The following JAM3 variants were observed in gnomAD, a reference collection of about 807,000 sequenced individuals.
JAM3 encodes junctional adhesion molecule 3, also known as junctional adhesion molecule C.
In JAM3, 31 loss-of-function variants were observed where a neutral mutation model predicts 39.4. The observed-to-expected ratio is 0.79, with a 90% CI of 0.59 to 1.06. The LOEUF (loss-of-function observed/expected upper bound fraction) is 1.06. Ranked by LOEUF, JAM3 falls within the 50% of genes least tolerant of loss-of-function variation. JAM3 has a pLI of 0.00. For synonymous variants in JAM3, 182 were observed against 148.7 expected, an observed-to-expected ratio of 1.22 and a Z score of -1.63; for missense variants, 455 against 391.4, an observed-to-expected ratio of 1.16 and a Z score of -1.37.
chr11:134,110,436 A>G (rs1327792241), intron 1 of JAM3, among the ~76,000 whole-genome samples: 1 of 152,254 alleles, frequency 6.6e-6, no homozygotes, highest in Non-Finnish European at 1.5e-5. Flanking sequence ...TGGTATTTCC[A>G]TAAATGGAAT....
At chr11:134,146,207 G>A (rs536563329) in intron 6 of JAM3, among the ~76,000 whole-genome samples, 162 bp downstream of exon 6, 1 of 152,306 alleles carries the variant, frequency 6.6e-6, no homozygotes. Context: ...TGAAGGGAAG[G>A]CTGAGAAAAC....
intron 1 of JAM3, among the ~76,000 whole-genome samples, chr11:134,107,971 C>T (rs1159331001): frequency 6.6e-6 from 1 of 151,898 alleles, no homozygotes; most frequent in Non-Finnish European, 1.5e-5. Flanking sequence ...AATCATGAGA[C>T]TTCAGAAAAC....
At chr11:134,144,499 G>A (rs1334934233) in intron 4 of JAM3, 106 bp downstream of exon 4, 2 of 1,339,544 alleles carry the variant, frequency 1.5e-6, no homozygotes, top group East Asian at 4.6e-5. Context: ...GGCTTCACAT[G>A]GCTTAGGGAG....
At chr11:134,083,495 A>G (rs368746658) in intron 1 of JAM3, among the ~76,000 whole-genome samples, 2 of 152,214 alleles carry the variant, frequency 1.3e-5, no homozygotes, top group Non-Finnish European at 2.9e-5. Flanking sequence ...GGAGTCAGGT[A>G]ACTTTTTGAG....
intron 1 of JAM3, among the ~76,000 whole-genome samples, chr11:134,082,949 T>A (rs1398242804): frequency 1.3e-5 from 2 of 152,218 alleles, no homozygotes; most frequent in African/African-American, 4.8e-5. Flanking sequence ...AGCATTATGT[T>A]ATTCTCTTAT....
intron 6 of JAM3, 182 bp from the exon 7 acceptor site, chr11:134,148,365 A>G: frequency 1.5e-6 from 1 of 667,388 alleles, no homozygotes. Context: ...GTTAGGAGTT[A>G]TGGTGTCCTA....
At chr11:134,123,802 G>T in intron 1 of JAM3, 1 of 741,200 alleles carries the variant, frequency 1.3e-6, no homozygotes, top group South Asian at 1.4e-5. Flanking sequence ...ACAATCAAGT[G>T]AGCCTTCATT....
rs141497490 is a variant in JAM3, at chr11:134,085,454, A to G, written c.76+16295A>G. Among the ~76,000 whole-genome samples, 389 of 152,288 alleles carry G rather than the reference A, an allele frequency of 2.6e-3. 2 individuals carry two copies. Among genetic ancestry groups the G allele is most frequent in the Middle Eastern group, 0.01 (3 of 292 alleles). Reference sequence around the variant, plus strand: ...TAGAGACTAAGGAATTAATAAACATATTGTTATTTTTCTAAATTTTGTTTT... The same window carrying G: ...TAGAGACTAAGGAATTAATAAACATGTTGTTATTTTTCTAAATTTTGTTTT... On this transcript the variant is annotated intron_variant, in intron 1 of 8. Coordinates refer to ENST00000299106, the MANE Select transcript of JAM3 (RefSeq NM_032801.5).
intron 1 of JAM3, among the ~76,000 whole-genome samples, chr11:134,070,865 T>C (rs1212119032): frequency 6.6e-6 from 1 of 152,214 alleles, no homozygotes; most frequent in East Asian, 1.9e-4. Flanking sequence ...TTTTTGCTGG[T>C]AGGGGCTGGG....
At chr11:134,126,216 T>C (rs1942646088) in intron 1 of JAM3, 1 of 152,188 alleles carries the variant, frequency 6.6e-6, no homozygotes, top group Admixed American at 6.5e-5. Flanking sequence ...CTTAACCAGA[T>C]GACAGTAAAA....
At chr11:134,147,181 G>C (rs181052671) in intron 6 of JAM3, among the ~76,000 whole-genome samples, 1 of 152,026 alleles carries the variant, frequency 6.6e-6, no homozygotes, top group Non-Finnish European at 1.5e-5. Context: ...CATGCCAGGC[G>C]TGGTGGCTCA....
rs1247147349 is a variant in JAM3, at chr11:134,149,116, G to A, written c.898-30G>A. The A allele has an allele frequency of 3.1e-6, 5 of 1,613,898 alleles. No individual in the cohort carries two copies. In the Admixed American group the frequency reaches 6.7e-5, roughly 22 times the overall value. ...TTCCCTGCTTGCCACCAGGCCCCTTGATGGCTCTAACTGTGTGTTGGCTTT... is the reference window on the plus strand; with the variant it reads ...TTCCCTGCTTGCCACCAGGCCCCTTAATGGCTCTAACTGTGTGTTGGCTTT... On this transcript the variant is annotated intron_variant, in intron 8 of 8. Coordinates refer to ENST00000299106, the MANE Select transcript of JAM3 (RefSeq NM_032801.5).
Position 134,132,845 on chromosome 11 carries a change from G to A in JAM3, c.77-7006G>A, listed in dbSNP as rs371316314. 1.7e-4 allele frequency among the ~76,000 whole-genome samples: 26 copies of A among 152,222 alleles called. No homozygotes were observed. The East Asian group carries it at 5.0e-3, about 29-fold the overall frequency. On this transcript the variant is annotated intron_variant, in intron 1 of 8. Transcript: ENST00000299106. ...GAGTTTTTAACTCTCAGACTTGTTG[G>A]CACTGAGCCTCCAATGATTCATCAT...
chr11:134,089,294 C>T lies in JAM3; in HGVS notation c.76+20135C>T, dbSNP rs373613207. On this transcript the variant is annotated intron_variant, in intron 1 of 8. Coordinates refer to ENST00000299106, the MANE Select transcript of JAM3 (RefSeq NM_032801.5). The stretch of plus-strand genomic sequence containing the variant: ...AATTCCATATCTGATGTTTCATTAT[C>T]ATATCCTAGGTTTTCTTTTTCTTTT... Among the ~76,000 whole-genome samples the T allele has an allele frequency of 2.3e-4, 35 of 152,206 alleles. No individual in the cohort carries two copies. In the South Asian group the frequency reaches 6.6e-3, roughly 29 times the overall value.
rs1037707945 is a variant in JAM3 at position 134,149,265 on chromosome 11, G to C, written c.*84G>C. The C allele has an allele frequency of 6.5e-7, 1 of 1,526,844 alleles. No individual in the cohort carries two copies. The highest frequency in any genetic ancestry group is 9.1e-7 in the Non-Finnish European group (1 of 1,104,370). The allele number at this position is 1,526,844 out of a possible 1,614,324, so 94.6% of individuals were successfully genotyped here. ...TCCTGTCAAGGCAGCGAGAGCTGATGCACTCGGACAGAGCTAGACACTCAT... is the reference window on the plus strand; with the variant it reads ...TCCTGTCAAGGCAGCGAGAGCTGATCCACTCGGACAGAGCTAGACACTCAT... On this transcript the variant is annotated 3_prime_UTR_variant, in exon 9 of 9. Coordinates refer to ENST00000299106, the MANE Select transcript of JAM3 (RefSeq NM_032801.5).
intron 1 of JAM3, among the ~76,000 whole-genome samples, chr11:134,105,047 C>A (rs1181158169): frequency 6.6e-6 from 1 of 151,922 alleles, no homozygotes; most frequent in East Asian, 1.9e-4. Context: ...GGCAGAGACA[C>A]AAAAAAAGAG....
At chr11:134,125,001 G>A (rs973986970) in intron 1 of JAM3, among the ~76,000 whole-genome samples, 4 of 151,912 alleles carry the variant, frequency 2.6e-5, no homozygotes, top group Non-Finnish European at 5.9e-5. Flanking sequence ...ACACCCCCCA[G>A]CCTCAGCGCG....
chr11:134,149,376 G>T lies in JAM3; in HGVS notation c.*195G>T, dbSNP rs891272595. The T allele has an allele frequency of 8.1e-5, 54 of 664,270 alleles. No homozygotes were observed. The African/African-American group carries it at 9.1e-4, about 11-fold the overall frequency. The allele number at this position is 664,270 out of a possible 1,614,324, so 41.1% of individuals were successfully genotyped here. On this transcript the variant is annotated 3_prime_UTR_variant, in exon 9 of 9. Coordinates refer to ENST00000299106, the MANE Select transcript of JAM3 (RefSeq NM_032801.5). ...TGAATAGAAGAATTTTCCTCAAGAT[G>T]GACCCGGTAAATATAACCACAAGGA...
intron 1 of JAM3, among the ~76,000 whole-genome samples, chr11:134,119,482 G>A (rs1942496431): frequency 6.6e-6 from 1 of 152,178 alleles, no homozygotes. Flanking sequence ...ATTCTCCAGA[G>A]AAACAGAACT....
Sources: gnomAD v4.1 joint callset for allele counts (sites outside exome capture counted in the v4.1 genomes callset) on GRCh38, gnomAD v4.1.1 for gene constraint, MANE v1.5 for transcripts, NCBI Gene and HGNC (gene_info 2026-07-23, HGNC 2026-07-21) for gene names.